ERBB3: variants seen among roughly 807,000 people sequenced by gnomAD.
The protein encoded by ERBB3 is erb-b2 receptor tyrosine kinase 3, also known as receptor tyrosine-protein kinase erbB-3.
Under a neutral mutation model 156.7 loss-of-function variants are expected in ERBB3, and 96 were observed. That is an observed-to-expected ratio of 0.61 (90% CI 0.52 to 0.73). ERBB3 has a LOEUF of 0.73. Among genes scored for constraint, ERBB3 ranks in the 30% least tolerant of loss-of-function variants. ERBB3 has a pLI of 0.00. For missense variants in ERBB3, 1,406 were observed against 1,709.4 expected (o/e 0.82, Z 3.13); for synonymous variants, 567 against 632.0 (o/e 0.90, Z 1.54).
rs1041886821 is a variant in ERBB3, at chr12:56,102,458, A to G, written c.*403A>G. The G allele has an allele frequency of 7.7e-6, 2 of 259,018 alleles. No homozygotes were observed. Among genetic ancestry groups the G allele is most frequent in the Non-Finnish European group, 1.5e-5 (2 of 133,470 alleles). 16.0% of individuals were successfully genotyped at this position (259,018 alleles called of 1,614,324 possible). A position where few individuals can be genotyped will look rare whatever the true frequency, so the allele number is the denominator to read the frequency against. ...CAAGAAGAGGAAAGGGAGGAAACCT[A>G]GCAGAGGAAAGTGTAATTTTGGTTT... On this transcript the variant is annotated 3_prime_UTR_variant, in exon 28 of 28. Transcript: ENST00000267101.
chr12:56,098,073 AT>A, intron 21 of ERBB3, 133 bp downstream of exon 21: 1 of 880,566 alleles, frequency 1.1e-6, no homozygotes, highest in Non-Finnish European at 1.8e-6. Context: ...GATGCCAGAT[AT>A]TTTAGTTCAG....
At position 56,096,554 on chromosome 12, in the gene ERBB3, A is replaced by C. The variant is rs1229151494; in HGVS notation, c.2107A>C (p.Ile703Leu). The stretch of plus-strand genomic sequence containing the variant: ...GAAGGCTAACAAAGTCTTGGCCAGA[A>C]TCTTCAAAGAGACAGAGCTAAGGAA... ...SEKANKVLAR[I>L]FKETELRKLK... Residue 703 changes from isoleucine (I) to leucine (L), a missense_variant, in exon 18 of 28, where the codon ATC becomes CTC. Transcript: ENST00000267101. The C allele has an allele frequency of 2.5e-6, 4 of 1,614,118 alleles. No individual in the cohort carries two copies. Among genetic ancestry groups the C allele is most frequent in the Non-Finnish European group, 3.4e-6 (4 of 1,180,048 alleles).
chr12:56,085,254 C>G, intron 3 of ERBB3, 73 bp downstream of exon 3: 1 of 1,611,554 alleles, frequency 6.2e-7, no homozygotes, highest in South Asian at 1.1e-5. Flanking sequence ...GATGATGACC[C>G]AAGACTGCTC....
At chr12:56,085,265 A>G in intron 3 of ERBB3, 84 bp downstream of exon 3, 1 of 1,606,568 alleles carries the variant, frequency 6.2e-7, no homozygotes, top group Non-Finnish European at 8.5e-7. Flanking sequence ...AAGACTGCTC[A>G]CTCTAAGTGC....
In ERBB3 at chr12:56,093,558, A is replaced by G; in HGVS notation, c.1480+8A>G. 6.2e-7 allele frequency: 1 copy of G among 1,608,322 alleles called. No individual in the cohort carries two copies. The highest frequency in any genetic ancestry group is 8.5e-7 in the Non-Finnish European group (1 of 1,178,874). On this transcript the variant is annotated splice_region_variant and intron_variant, in intron 12 of 27. Transcript: ENST00000267101. Reference sequence around the variant, plus strand: ...GGCCGCGCAGAGACTGCGGTGAGGGAAAGGGTCTGCTAGGTGGTGAGAATA... The same window carrying G: ...GGCCGCGCAGAGACTGCGGTGAGGGGAAGGGTCTGCTAGGTGGTGAGAATA...
Position 56,102,052 on chromosome 12 carries a change from G to A in ERBB3, c.4026G>A (p.Thr1342=), listed in dbSNP as rs545992692. The A allele has an allele frequency of 3.2e-5, 51 of 1,607,168 alleles. No homozygotes were observed. The highest frequency in any genetic ancestry group is 6.7e-5 in the Admixed American group (4 of 59,956). Residue 1342 remains threonine, a synonymous_variant, in exon 28 of 28, where the codon ACG becomes ACA. Transcript: ENST00000267101. ...RLFPKANAQR[T] is the part of the protein sequence containing the mutation. Reference sequence around the variant, plus strand: ...TCCCCAAGGCTAATGCCCAGAGAACGTAACTCCTGCTCCCTGTGGCACTCA... The same window carrying A: ...TCCCCAAGGCTAATGCCCAGAGAACATAACTCCTGCTCCCTGTGGCACTCA...
intron 22 of ERBB3, 51 bp from the exon 23 acceptor site, chr12:56,098,708 T>C (rs1372409324): frequency 6.2e-7 from 1 of 1,609,370 alleles, no homozygotes; most frequent in Non-Finnish European, 8.5e-7. Flanking sequence ...CTTCACTTCA[T>C]GCCCATGTCT....
chr12:56,084,942 G>A, intron 2 of ERBB3, 53 bp from the exon 3 acceptor site: 2 of 1,612,538 alleles, frequency 1.2e-6, no homozygotes, highest in Non-Finnish European at 1.7e-6. Flanking sequence ...AGAGGAGATT[G>A]AGATTATTTT....
At chr12:56,101,455 C>A (rs560166892) in intron 27 of ERBB3, 74 bp from the exon 28 acceptor site, 1 of 1,592,882 alleles carries the variant, frequency 6.3e-7, no homozygotes, top group African/African-American at 1.3e-5. Context: ...CCTCTCTGTC[C>A]TATTAATTTT....
chr12:56,093,674 A>G, intron 12 of ERBB3, 90 bp from the exon 13 acceptor site: 1 of 1,584,982 alleles, frequency 6.3e-7, no homozygotes. Context: ...GGGGGCTGTT[A>G]GGCTGGAAGC....
At chr12:56,098,390 C>T (rs1212741036) in intron 21 of ERBB3, 110 bp from the exon 22 acceptor site, 20 of 836,244 alleles carry the variant, frequency 2.4e-5, no homozygotes, top group Admixed American at 1.4e-4. Flanking sequence ...CCAGTCTGGG[C>T]GACAGAGCGA....
rs142378459 is a variant in ERBB3 at position 56,102,153 on chromosome 12, C to A, written c.*98C>A. 4.6e-6 allele frequency: 5 copies of A among 1,081,730 alleles called. No individual in the cohort carries two copies. The African/African-American group carries it at 6.2e-5, about 13-fold the overall frequency. 67.0% of individuals were successfully genotyped at this position (1,081,730 alleles called of 1,614,324 possible). On this transcript the variant is annotated 3_prime_UTR_variant, in exon 28 of 28. Coordinates refer to ENST00000267101, the MANE Select transcript of ERBB3 (RefSeq NM_001982.4). ...ATTCCCTCTCTCTCCCAGGTCCCAG[C>A]CCCTTTTCCCCAGTCCCAGACAATT...
intron 18 of ERBB3, 26 bp from the exon 19 acceptor site, chr12:56,096,722 G>T: frequency 6.2e-7 from 1 of 1,612,522 alleles, no homozygotes; most frequent in Non-Finnish European, 8.5e-7. Flanking sequence ...ATGACCTTAT[G>T]CCAACTCCTG....
chr12:56,090,371 C>A (rs919900017), intron 9 of ERBB3, among the ~76,000 whole-genome samples: 1 of 152,096 alleles, frequency 6.6e-6, no homozygotes, highest in Non-Finnish European at 1.5e-5. Flanking sequence ...GTGGCTCATG[C>A]CTATAATCCC....
Position 56,101,528 on chromosome 12 carries a change from G to C in ERBB3, c.3503-1G>C. On this transcript the variant is annotated splice_acceptor_variant, in intron 27 of 27. Coordinates refer to ENST00000267101, the MANE Select transcript of ERBB3 (RefSeq NM_001982.4). LOFTEE classifies it high-confidence loss of function. ...ACCTAGCCTTTCTTCTCAACCCCCA[G>C]GTACTCCCTCCTCCCGGGAAGGCAC... 1 of 1,613,792 alleles carries C rather than the reference G, an allele frequency of 6.2e-7. No homozygotes were observed. The highest frequency in any genetic ancestry group is 1.3e-5 in the African/African-American group (1 of 74,920).
At chr12:56,093,712 GGC>G in intron 12 of ERBB3, 50 bp from the exon 13 acceptor site, 1 of 1,611,506 alleles carries the variant, frequency 6.2e-7, no homozygotes, top group Non-Finnish European at 8.5e-7. Context: ...ATGAAGAGAG[GGC>G]TTGCTGGGAG....
Position 56,088,181 on chromosome 12 carries a change from G to A in ERBB3, c.874+19G>A, listed in dbSNP as rs762630619. 6.2e-7 allele frequency: 1 copy of A among 1,613,228 alleles called. No homozygotes were observed. The highest frequency in any genetic ancestry group is 8.5e-7 in the Non-Finnish European group (1 of 1,179,236). ...TGTCCCCGTAAGTGTCTGAGGGGAA[G>A]GAACAATGATCAACAATAGTAGATC... On this transcript the variant is annotated intron_variant, in intron 7 of 27. Transcript: ENST00000267101.
rs1868537164 is a variant in ERBB3 at position 56,087,817 on chromosome 12, T to C, written c.636T>C (p.Pro212=). The part of the protein sequence containing the change: ...CQTLTKTICA[P]QCNGHCFGPN... The stretch of plus-strand genomic sequence containing the variant: ...TAGTGACCAAGACCATCTGTGCTCC[T>C]CAGTGTAATGGTCACTGCTTTGGGC... Residue 212 remains proline (P), a synonymous_variant, in exon 6 of 28, where the codon CCT becomes CCC. Coordinates refer to ENST00000267101, the MANE Select transcript of ERBB3 (RefSeq NM_001982.4). The C allele has an allele frequency of 6.2e-7, 1 of 1,613,958 alleles. No individual in the cohort carries two copies. The highest frequency in any genetic ancestry group is 1.3e-5 in the African/African-American group (1 of 74,920).
rs1039073360 is a variant in ERBB3 at position 56,096,490 on chromosome 12, A to T, written c.2056-13A>T. 9.3e-6 allele frequency: 15 copies of T among 1,613,464 alleles called. No individual in the cohort carries two copies. The African/African-American group carries it at 1.6e-4, about 17-fold the overall frequency. ...GGCCTTTCCTGAGTAACTCCTTCCC[A>T]TTTGCTCCTCAGAGCATAGAGCCTC... On this transcript the variant is annotated splice_polypyrimidine_tract_variant and intron_variant, in intron 17 of 27. Transcript: ENST00000267101.
Sources: gnomAD v4.1 joint callset for allele counts (sites outside exome capture counted in the v4.1 genomes callset) on GRCh38, gnomAD v4.1.1 for gene constraint, MANE v1.5 for transcripts, NCBI Gene and HGNC (gene_info 2026-07-23, HGNC 2026-07-21) for gene names.